Variants in TTPA observed in about 807,000 individuals in gnomAD.
TTPA encodes the protein alpha tocopherol transfer protein.
Under a neutral mutation model 25.9 loss-of-function variants are expected in TTPA, and 23 were observed. That is an observed-to-expected ratio of 0.89 (90% CI 0.64 to 1.26). The LOEUF (loss-of-function observed/expected upper bound fraction) is 1.26, where lower values mean the gene tolerates loss of function less well. TTPA is among the 50% of genes most tolerant of loss of function. The pLI, the probability that TTPA is intolerant of heterozygous loss-of-function variation, is 0.00. For synonymous variants in TTPA, 148 were observed against 137.3 expected, an observed-to-expected ratio of 1.08 and a Z score of -0.54; for missense variants, 337 against 353.1, an observed-to-expected ratio of 0.95 and a Z score of 0.37.
chr8:63,065,115 T>C (rs1805368903), intron 3 of TTPA, among the ~76,000 whole-genome samples: 1 of 152,254 alleles, frequency 6.6e-6, no homozygotes, highest in Non-Finnish European at 1.5e-5. Flanking sequence ...ACCATGTTTC[T>C]ATTTTCTGGA....
intron 1 of TTPA, among the ~76,000 whole-genome samples, chr8:63,074,890 A>G (rs750661966): frequency 2.2e-4 from 33 of 152,316 alleles, no homozygotes; most frequent in Middle Eastern, 6.8e-3. Context: ...AGAGTGCTGC[A>G]CACCCAGGAG....
chr8:63,065,774 T>C, intron 3 of TTPA, 130 bp downstream of exon 3: 1 of 1,034,286 alleles, frequency 9.7e-7, no homozygotes, highest in Non-Finnish European at 1.4e-6. Flanking sequence ...TGTTGAATTC[T>C]ACACATCATT....
intron 1 of TTPA, among the ~76,000 whole-genome samples, chr8:63,074,436 C>T (rs1278425716): frequency 6.6e-6 from 1 of 152,100 alleles, no homozygotes; most frequent in Non-Finnish European, 1.5e-5. Flanking sequence ...ATTTAATAAA[C>T]CTTTCTTAAC....
At chr8:63,077,261 T>C (rs1239781971) in intron 1 of TTPA, among the ~76,000 whole-genome samples, 13 of 152,170 alleles carry the variant, frequency 8.5e-5, no homozygotes, top group Non-Finnish European at 1.6e-4. Flanking sequence ...AGATGGGTGA[T>C]TTCTGCGTTT....
chr8:63,073,781 T>C (rs916712867), intron 1 of TTPA, among the ~76,000 whole-genome samples: 3 of 152,196 alleles, frequency 2.0e-5, no homozygotes, highest in African/African-American at 4.8e-5. Flanking sequence ...ACTTTTAGTA[T>C]TTTTTGAAAT....
chr8:63,068,662 T>C (rs1805435732), intron 2 of TTPA, among the ~76,000 whole-genome samples: 2 of 152,148 alleles, frequency 1.3e-5, no homozygotes, highest in Non-Finnish European at 2.9e-5. Context: ...TTTTGTTTTG[T>C]TTTTAGTGGC....
At chr8:63,059,311 C>T (rs1273258723), downstream of TTPA, among the ~76,000 whole-genome samples, 1 of 151,546 alleles carries the variant, frequency 6.6e-6, no homozygotes, top group East Asian at 1.9e-4. Flanking sequence ...GGATTACAGG[C>T]GTGAGCCACC....
At chr8:63,059,463 T>A (rs999722930), downstream of TTPA, among the ~76,000 whole-genome samples, 5 of 152,196 alleles carry the variant, frequency 3.3e-5, no homozygotes, top group African/African-American at 1.2e-4. Flanking sequence ...TAATCCTAAG[T>A]ATCAGCTCAC....
intron 1 of TTPA, among the ~76,000 whole-genome samples, chr8:63,074,681 C>T (rs1289664464): frequency 6.6e-6 from 1 of 152,160 alleles, no homozygotes; most frequent in African/African-American, 2.4e-5. Context: ...TTTTACAATG[C>T]TTTTTACTTT....
At chr8:63,074,237 C>A (rs1287533231) in intron 1 of TTPA, among the ~76,000 whole-genome samples, 3 of 152,122 alleles carry the variant, frequency 2.0e-5, no homozygotes, top group Non-Finnish European at 4.4e-5. Flanking sequence ...AAATGCTGAG[C>A]CTTGGGAAAT....
chr8:63,081,121 A>T (rs1805657739), intron 1 of TTPA, among the ~76,000 whole-genome samples: 1 of 152,190 alleles, frequency 6.6e-6, no homozygotes, highest in African/African-American at 2.4e-5. Flanking sequence ...AAAAGAGGGG[A>T]TCCTCACAAA....
chr8:63,084,890 T>TAAAGTTG, intron 1 of TTPA, among the ~76,000 whole-genome samples: 1 of 152,196 alleles, frequency 6.6e-6, no homozygotes, highest in East Asian at 1.9e-4. Flanking sequence ...TTGCTTTCAC[T>TAAAGTTG]CTAAAACAAA....
chr8:63,080,547 C>T (rs1805644386), intron 1 of TTPA, among the ~76,000 whole-genome samples: 1 of 151,814 alleles, frequency 6.6e-6, no homozygotes, highest in African/African-American at 2.4e-5. Flanking sequence ...CGGTGAAACC[C>T]CGTCTCTACT....
chr8:63,071,952 C>T (rs1190575701), intron 2 of TTPA, among the ~76,000 whole-genome samples: 1 of 152,116 alleles, frequency 6.6e-6, no homozygotes, highest in Non-Finnish European at 1.5e-5. Context: ...CTACAAGAAA[C>T]ACTAGCTACA....
At chr8:63,065,259 T>C (rs911089388) in intron 3 of TTPA, among the ~76,000 whole-genome samples, 1 of 152,222 alleles carries the variant, frequency 6.6e-6, no homozygotes, top group African/African-American at 2.4e-5. Flanking sequence ...ACTTCACTAC[T>C]GGCAAACTGT....
chr8:63,064,241 T>A lies in TTPA; in HGVS notation c.628A>T (p.Ile210Phe). 6.2e-7 allele frequency: 1 copy of A among 1,613,176 alleles called. No individual in the cohort carries two copies. The highest frequency in any genetic ancestry group is 8.5e-7 in the Non-Finnish European group (1 of 1,179,490). Residue 210 changes from isoleucine (I) to phenylalanine (F), a missense_variant, in exon 4 of 5, where the codon ATC becomes TTC. Ile to Phe is a conservative substitution (Grantham distance 21). Coordinates refer to ENST00000260116, the MANE Select transcript of TTPA (RefSeq NM_000370.3). ...ATTTTTTCAGTCAGGAATGGTTTGA[T>A]CATGGAAAAGACAGCATGGAAAATT... Reference protein sequence around the residue: ...PVIFHAVFSMIKPFLTEKIKE... With the variant: ...PVIFHAVFSMFKPFLTEKIKE...
chr8:63,058,934 T>C (rs1419586631), downstream of TTPA, among the ~76,000 whole-genome samples: 2 of 151,976 alleles, frequency 1.3e-5, no homozygotes. Flanking sequence ...TTTTGTTCTT[T>C]TATTATTTTT....
chr8:63,083,254 T>C lies in TTPA; in HGVS notation c.204+2564A>G, dbSNP rs534428582. Among the ~76,000 whole-genome samples, 295 of 152,304 alleles carry C rather than the reference T, an allele frequency of 1.9e-3. 3 individuals are homozygous for C. Among genetic ancestry groups the C allele is most frequent in the African/African-American group, 6.5e-3 (270 of 41,560 alleles). ...AACCAACCCAAATGTCCATCAATGA[T>C]AGACTGGATTAAGAAAATGTGGCAC... On this transcript the variant is annotated intron_variant, in intron 1 of 4. Coordinates refer to ENST00000260116, the MANE Select transcript of TTPA (RefSeq NM_000370.3).
intron 1 of TTPA, among the ~76,000 whole-genome samples, chr8:63,073,448 C>A (rs939503695): frequency 6.6e-6 from 1 of 152,168 alleles, no homozygotes; most frequent in African/African-American, 2.4e-5. Flanking sequence ...TTGCTTTGAT[C>A]TAATATCAAC....
Sources: allele counts gnomAD v4.1 joint callset (sites outside exome capture counted in the v4.1 genomes callset), GRCh38; gene constraint gnomAD v4.1.1; transcripts MANE v1.5; gene names NCBI Gene and HGNC (gene_info 2026-07-23, HGNC 2026-07-21).